Variants in ATG2B observed in about 807,000 individuals in gnomAD.
ATG2B encodes autophagy-related protein 2 homolog B.
Under a neutral mutation model 241.3 loss-of-function variants are expected in ATG2B, and 121 were observed. The ratio of observed to expected loss-of-function variants is 0.50; its 90% confidence interval spans 0.43 to 0.58. The LOEUF (loss-of-function observed/expected upper bound fraction) is 0.58. Ranked by LOEUF, ATG2B falls within the 20% of genes least tolerant of loss-of-function variation. The pLI is 0.00. For synonymous variants in ATG2B, 858 were observed against 876.6 expected, an observed-to-expected ratio of 0.98 and a Z score of 0.37; for missense variants, 2,306 against 2,491.6, an observed-to-expected ratio of 0.93 and a Z score of 1.59.
At chr14:96,320,278 G>A (rs1420620164) in intron 18 of ATG2B, among the ~76,000 whole-genome samples, 3 of 152,014 alleles carry the variant, frequency 2.0e-5, no homozygotes, top group Admixed American at 1.3e-4. Flanking sequence ...AACTGTGTCT[G>A]GCTTCAAATC....
rs758473000 is a variant in ATG2B, at chr14:96,329,487, T to A, written c.1878A>T (p.Thr626=). The change falls in exon 12 of 42, where the codon ACA becomes ACT. Residue 626 remains threonine (T), a synonymous_variant. Transcript: ENST00000359933. ...TDFHSVPPHY[T]ELLTFHSKEE... ...AGAAAAAGTATTCAATATTTACCTCTGTATAGTGAGGAGGAACAGAATGAA... is the reference window on the plus strand; with the variant it reads ...AGAAAAAGTATTCAATATTTACCTCAGTATAGTGAGGAGGAACAGAATGAA... 8 of 1,604,490 alleles carry A rather than the reference T, an allele frequency of 5.0e-6. No individual in the cohort carries two copies. The South Asian group carries it at 9.0e-5, about 18-fold the overall frequency.
At chr14:96,352,520 G>A (rs539044423) in intron 1 of ATG2B, among the ~76,000 whole-genome samples, 105 of 152,124 alleles carry the variant, frequency 6.9e-4, no homozygotes, top group African/African-American at 2.5e-3. Context: ...ACAAGATGTG[G>A]AGGTAGAAGG....
At chr14:96,332,252 G>A in intron 10 of ATG2B, 53 bp downstream of exon 10, 2 of 1,392,012 alleles carry the variant, frequency 1.4e-6, no homozygotes, top group East Asian at 2.3e-5. Flanking sequence ...CAGTAGAATG[G>A]CATTTTAAAA....
chr14:96,289,459 T>C lies in ATG2B; in HGVS notation c.6006+197A>G. The C allele has an allele frequency of 1.8e-6, 1 of 570,332 alleles. No individual in the cohort carries two copies. Among genetic ancestry groups the C allele is most frequent in the Non-Finnish European group, 3.1e-6 (1 of 324,752 alleles). The allele number at this position is 570,332 out of a possible 1,614,324, so 35.3% of individuals were successfully genotyped here. A position where few individuals can be genotyped will look rare whatever the true frequency, so the allele number is the denominator to read the frequency against. On this transcript the variant is annotated intron_variant, in intron 41 of 41. Transcript: ENST00000359933. The surrounding 1 kb of genome is among the most constrained non-coding windows in gnomAD (Gnocchi z 4.3). ...CCATCCACCCACGCAATCACTAGTATTCCTGTCAGCCTATTGGTCCCAGAC... is the reference window on the plus strand; with the variant it reads ...CCATCCACCCACGCAATCACTAGTACTCCTGTCAGCCTATTGGTCCCAGAC...
intron 41 of ATG2B, among the ~76,000 whole-genome samples, chr14:96,288,445 T>C (rs187053880): frequency 8.7e-4 from 132 of 152,360 alleles, no homozygotes; most frequent in African/African-American, 3.0e-3. Context: ...TTTTAGCCTA[T>C]TGATAGCTGG....
intron 1 of ATG2B, among the ~76,000 whole-genome samples, chr14:96,349,509 T>C (rs956877418): frequency 2.0e-5 from 3 of 152,156 alleles, no homozygotes; most frequent in Admixed American, 6.5e-5. Flanking sequence ...TTATGAGTAA[T>C]AGAAGCTAGA....
chr14:96,318,537 A>G (rs1185785894), intron 18 of ATG2B, among the ~76,000 whole-genome samples: 1 of 152,164 alleles, frequency 6.6e-6, no homozygotes, highest in Non-Finnish European at 1.5e-5. Flanking sequence ...CTCATCAGCA[A>G]CAGAAAGCAC....
chr14:96,309,741 A>G, intron 28 of ATG2B, 147 bp from the exon 29 acceptor site: 1 of 755,656 alleles, frequency 1.3e-6, no homozygotes, highest in Non-Finnish European at 2.0e-6. Flanking sequence ...AGCAGCTGTT[A>G]TATTTCAAGT....
intron 35 of ATG2B, 29 bp downstream of exon 35, chr14:96,295,453 T>C (rs1886611018): frequency 2.8e-6 from 4 of 1,438,126 alleles, no homozygotes; most frequent in Non-Finnish European, 2.9e-6. Context: ...GTACTTGGTA[T>C]AGTCTTTTCA....
At chr14:96,330,999 A>G (rs1227270637) in intron 11 of ATG2B, among the ~76,000 whole-genome samples, 1 of 152,212 alleles carries the variant, frequency 6.6e-6, no homozygotes. Flanking sequence ...TTTATTTTTC[A>G]TCACCACTGT....
chr14:96,306,198 C>T (rs555751238), intron 30 of ATG2B, among the ~76,000 whole-genome samples: 2 of 152,186 alleles, frequency 1.3e-5, no homozygotes, highest in East Asian at 1.9e-4. Flanking sequence ...TAGGTTTATC[C>T]TGAGTTTGAT....
At chr14:96,300,398 C>T (rs370305368) in intron 34 of ATG2B, among the ~76,000 whole-genome samples, 13 of 151,916 alleles carry the variant, frequency 8.6e-5, no homozygotes, top group African/African-American at 2.2e-4. Context: ...TGGTGGTATG[C>T]GCCTATAATC....
Position 96,305,833 on chromosome 14 carries a change from G to C in ATG2B, c.4507-18C>G. The C allele has an allele frequency of 1.9e-6, 3 of 1,584,382 alleles. No homozygotes were observed. Among genetic ancestry groups the C allele is most frequent in the Non-Finnish European group, 2.6e-6 (3 of 1,153,486 alleles). ...TCCTTCTCCTAAAATAAACAAACAG[G>C]TAACACATACTCTCTTTTCTAATTA... On this transcript the variant is annotated intron_variant, in intron 30 of 41. Transcript: ENST00000359933.
intron 3 of ATG2B, among the ~76,000 whole-genome samples, 191 bp from the exon 4 acceptor site, chr14:96,344,947 T>G (rs1888133088): frequency 6.6e-6 from 1 of 152,158 alleles, no homozygotes; most frequent in Admixed American, 6.5e-5. Flanking sequence ...CACTTAACCA[T>G]GTTACATCTC....
intron 8 of ATG2B, 90 bp downstream of exon 8, chr14:96,333,598 T>C: frequency 8.1e-7 from 1 of 1,235,162 alleles, no homozygotes; most frequent in Non-Finnish European, 1.1e-6. Context: ...CTTTCATTCC[T>C]AAACTTCTGT....
chr14:96,323,910 G>T lies in ATG2B; in HGVS notation c.2526C>A (p.Asp842Glu). The change falls in exon 16 of 42, where the codon GAC becomes GAA. Residue 842 changes from aspartate (D) to glutamate (E), a missense_variant. Transcript: ENST00000359933. ...GVDGDTTSSD[D>E]FDWPRIVLKI... ...TGCTTACTCACCGTGGCCAGTCAAAGTCATCTGACGATGTTGTATCTCCAT... is the reference window on the plus strand; with the variant it reads ...TGCTTACTCACCGTGGCCAGTCAAATTCATCTGACGATGTTGTATCTCCAT... The T allele has an allele frequency of 6.2e-7, 1 of 1,607,926 alleles. No individual in the cohort carries two copies.
At chr14:96,343,847 C>A (rs1444062338) in intron 4 of ATG2B, among the ~76,000 whole-genome samples, 1 of 151,958 alleles carries the variant, frequency 6.6e-6, no homozygotes, top group Non-Finnish European at 1.5e-5. Flanking sequence ...GGCAATGGAC[C>A]CTTATTCCAA....
rs765725852 is a variant in ATG2B, at chr14:96,289,733, A to C, written c.5929T>G (p.Phe1977Val). ...TGGTGGGCTAACCGGTGATGAGGAA[A>C]CCTTTTGGTCTTCTTGGGCTCGATA... ...LSIEPKKTKR[F>V]PHHRLAHQPV... Residue 1977 changes from phenylalanine (F) to valine (V), a missense_variant, in exon 41 of 42, where the codon TTT becomes GTT. Around this residue, in one of 2 missense-constraint regions of ATG2B, gnomAD observed 379 missense variants for 480.4 expected, o/e 0.79. Coordinates refer to ENST00000359933, the MANE Select transcript of ATG2B (RefSeq NM_018036.7). The surrounding 1 kb of genome is among the most constrained non-coding windows in gnomAD (Gnocchi z 4.3). The C allele has an allele frequency of 5.0e-6, 8 of 1,614,112 alleles. No homozygotes were observed. The Admixed American group carries it at 8.3e-5, about 17-fold the overall frequency.
At chr14:96,326,267 C>A (rs901485344) in intron 14 of ATG2B, among the ~76,000 whole-genome samples, 2 of 152,156 alleles carry the variant, frequency 1.3e-5, no homozygotes, top group African/African-American at 4.8e-5. Context: ...AAATTCAATA[C>A]GGTTAAAAAT....
Sources: allele counts gnomAD v4.1 joint callset (sites outside exome capture counted in the v4.1 genomes callset), GRCh38; gene constraint gnomAD v4.1.1; regional missense constraint gnomAD v4.1.1; non-coding constraint Gnocchi (gnomAD v3.1); transcripts MANE v1.5; gene names NCBI Gene and HGNC (gene_info 2026-07-23, HGNC 2026-07-21).